The following TMEFF2 variants were observed in gnomAD, a reference collection of about 807,000 sequenced individuals.
The protein encoded by TMEFF2 is transmembrane protein with EGF like and two follistatin like domains 2.
In TMEFF2, 28 loss-of-function variants were observed where a neutral mutation model predicts 53.8. The ratio of observed to expected loss-of-function variants is 0.52; its 90% CI spans 0.39 to 0.71. TMEFF2 has a LOEUF of 0.71. Ranked by LOEUF, TMEFF2 falls within the 30% of genes least tolerant of loss-of-function variation. TMEFF2 has a pLI of 0.00. For synonymous variants in TMEFF2, 162 were observed against 166.3 expected (o/e 0.97, Z 0.20); for missense variants, 353 against 455.2 (o/e 0.78, Z 2.04).
intron 5 of TMEFF2, among the ~76,000 whole-genome samples, chr2:192,002,223 G>A (rs1366314089): frequency 6.6e-6 from 1 of 152,038 alleles, no homozygotes; most frequent in African/African-American, 2.4e-5. Context: ...GGTATAGATG[G>A]TTGATGTTTT....
At chr2:192,020,088 G>A (rs1302985838) in intron 5 of TMEFF2, among the ~76,000 whole-genome samples, 5 of 151,974 alleles carry the variant, frequency 3.3e-5, no homozygotes, top group Non-Finnish European at 5.9e-5. Context: ...AGGCTCTGAG[G>A]AAAACAAGCT....
At chr2:191,969,043 C>G (rs1202916116) in intron 7 of TMEFF2, among the ~76,000 whole-genome samples, 2 of 151,928 alleles carry the variant, frequency 1.3e-5, no homozygotes, top group South Asian at 4.2e-4. Flanking sequence ...ATTATACCCT[C>G]TCTTTGGGCA....
At chr2:191,995,718 G>A (rs1261365208) in intron 7 of TMEFF2, among the ~76,000 whole-genome samples, 2 of 151,952 alleles carry the variant, frequency 1.3e-5, no homozygotes, top group East Asian at 3.9e-4. Flanking sequence ...GTATTCTAAT[G>A]AAACCATTAA....
At chr2:192,071,949 T>A (rs933480342) in intron 4 of TMEFF2, among the ~76,000 whole-genome samples, 2 of 151,944 alleles carry the variant, frequency 1.3e-5, no homozygotes, top group Non-Finnish European at 2.9e-5. Flanking sequence ...GTTCAGCAGC[T>A]TATAACTAAA....
At chr2:192,069,333 C>T (rs887182768) in intron 4 of TMEFF2, among the ~76,000 whole-genome samples, 3 of 147,186 alleles carry the variant, frequency 2.0e-5, no homozygotes, top group East Asian at 1.9e-4. Context: ...GAGGTCCCAG[C>T]GCCTTAGGTT....
In TMEFF2 at chr2:192,057,747, T is replaced by C; in HGVS notation, c.468A>G (p.Gln156=). ...GVHEGSGETS[Q]KETSTCDICQ... is the part of the protein sequence containing the mutation. The stretch of plus-strand genomic sequence containing the variant: ...AAATATCACAGGTGGATGTCTCCTT[T>C]TGACTAGTTTCTCCAGAGCCTTCAT... The change falls in exon 5 of 10, where the codon CAA becomes CAG. Residue 156 remains glutamine, a synonymous_variant. Coordinates refer to ENST00000272771, the MANE Select transcript of TMEFF2 (RefSeq NM_016192.4). The C allele has an allele frequency of 6.2e-7, 1 of 1,614,042 alleles. No homozygotes were observed. Among genetic ancestry groups the C allele is most frequent in the Non-Finnish European group, 8.5e-7 (1 of 1,179,910 alleles).
intron 4 of TMEFF2, 70 bp downstream of exon 4, chr2:192,179,598 C>T: frequency 7.0e-7 from 1 of 1,436,504 alleles, no homozygotes; most frequent in Non-Finnish European, 9.4e-7. Context: ...TGAAATGGAA[C>T]ATACATAAGT....
At chr2:192,051,207 C>T (rs552919913) in intron 5 of TMEFF2, among the ~76,000 whole-genome samples, 1 of 143,354 alleles carries the variant, frequency 7.0e-6, no homozygotes, top group South Asian at 2.3e-4. Context: ...TTTTCTAGAG[C>T]AGATCTATTA....
At chr2:192,055,609 T>C (rs775775969) in intron 5 of TMEFF2, among the ~76,000 whole-genome samples, 9 of 151,666 alleles carry the variant, frequency 5.9e-5, no homozygotes, top group East Asian at 1.9e-4. Flanking sequence ...ACCCCATCTC[T>C]ACTAAAAATA....
intron 7 of TMEFF2, among the ~76,000 whole-genome samples, chr2:191,969,141 A>ATATGTGTGTGTGTG (rs1553508554): frequency 1.1e-4 from 17 of 150,312 alleles, no homozygotes; most frequent in African/African-American, 3.9e-4. Flanking sequence ...GTGTGTATCT[A>ATATGTGTGTGTGTG]TGTGTGTGTG....
At chr2:192,147,335 C>CT (rs71971421) in intron 4 of TMEFF2, among the ~76,000 whole-genome samples, 14,443 of 151,760 alleles carry the variant, frequency 0.095, 1,240 homozygotes, top group East Asian at 0.47. Flanking sequence ...TTTATTTTCT[C>CT]TTTTTTTTAT....
intron 5 of TMEFF2, among the ~76,000 whole-genome samples, chr2:192,050,734 T>G (rs1687749186): frequency 6.6e-6 from 1 of 152,214 alleles, no homozygotes; most frequent in African/African-American, 2.4e-5. Context: ...TTCCTAGTCT[T>G]TTACTTCTAA....
At chr2:191,998,401 A>G in intron 6 of TMEFF2, 80 bp from the exon 7 acceptor site, 1 of 1,046,680 alleles carries the variant, frequency 9.6e-7, no homozygotes, top group South Asian at 1.5e-5. Context: ...TTCCTCCAAC[A>G]ATATCTTCAT....
intron 8 of TMEFF2, among the ~76,000 whole-genome samples, 156 bp downstream of exon 8, chr2:191,956,099 T>TGTGA (rs1442472531): frequency 2.6e-5 from 4 of 151,986 alleles, no homozygotes; most frequent in South Asian, 2.1e-4. Context: ...TGAGTATGTG[T>TGTGA]GTATGTGTGT....
chr2:192,124,832 G>T (rs1470364205), intron 4 of TMEFF2, among the ~76,000 whole-genome samples: 1 of 152,130 alleles, frequency 6.6e-6, no homozygotes, highest in Non-Finnish European at 1.5e-5. Flanking sequence ...CAAGCCAAGG[G>T]TGCCTCATTT....
chr2:191,952,423 T>C (rs1691913527), intron 9 of TMEFF2, among the ~76,000 whole-genome samples: 1 of 152,234 alleles, frequency 6.6e-6, no homozygotes, highest in African/African-American at 2.4e-5. Flanking sequence ...TGTACTGATA[T>C]TGGCTAGATA....
chr2:192,008,794 A>T (rs1229298257), intron 5 of TMEFF2, among the ~76,000 whole-genome samples: 1 of 152,150 alleles, frequency 6.6e-6, no homozygotes, highest in Non-Finnish European at 1.5e-5. Context: ...TCCCACACCC[A>T]CTTTAGTGAT....
At chr2:192,037,273 T>TAAAGAAAGAAAAAG (rs1687323184) in intron 5 of TMEFF2, among the ~76,000 whole-genome samples, 26 of 94,736 alleles carry the variant, frequency 2.7e-4, no homozygotes, top group African/African-American at 8.6e-5. Flanking sequence ...CTAGCCAAAA[T>TAAAGAAAGAAAAAG]AAAGAAAGAA....
rs1689915234 is a variant in TMEFF2, at chr2:192,133,568, T to C, written c.439+46100A>G. Among the ~76,000 whole-genome samples, 3 of 152,346 alleles carry C rather than the reference T, an allele frequency of 2.0e-5. No homozygotes were observed. In the East Asian group the frequency reaches 5.8e-4, roughly 29 times the overall value. On this transcript the variant is annotated intron_variant, in intron 4 of 9. Transcript: ENST00000272771. Reference sequence around the variant, plus strand: ...AGTTCAGGATCTATGCCTTATCAACTAAATTGTTTTGCCTATCCACCCCAT... The same window carrying C: ...AGTTCAGGATCTATGCCTTATCAACCAAATTGTTTTGCCTATCCACCCCAT...
Sources: allele counts gnomAD v4.1 joint callset (sites outside exome capture counted in the v4.1 genomes callset), GRCh38; gene constraint gnomAD v4.1.1; transcripts MANE v1.5; gene names NCBI Gene and HGNC (gene_info 2026-07-23, HGNC 2026-07-21).